The following GNAI1 variants were observed in gnomAD, a reference collection of about 807,000 sequenced individuals.
GNAI1 encodes the protein G protein subunit alpha i1.
Under a neutral mutation model 38.9 loss-of-function variants are expected in GNAI1, and 11 were observed. The ratio of observed to expected loss-of-function variants is 0.28; its 90% CI spans 0.18 to 0.47. The LOEUF is 0.47. Among genes scored for constraint, GNAI1 ranks in the 20% least tolerant of loss-of-function variants. The pLI, the probability that GNAI1 is intolerant of heterozygous loss-of-function variation, is 0.99. For synonymous variants in GNAI1, 166 were observed against 145.1 expected, an observed-to-expected ratio of 1.14 and a Z score of -1.04; for missense variants, 317 against 436.9, an observed-to-expected ratio of 0.73 and a Z score of 2.45.
intron 4 of GNAI1, among the ~76,000 whole-genome samples, chr7:80,201,256 A>T (rs1216930714): frequency 2.0e-5 from 3 of 152,208 alleles, no homozygotes; most frequent in Non-Finnish European, 4.4e-5. Flanking sequence ...TGATGAGAAG[A>T]TTGCTTTGAG....
chr7:80,175,553 C>CTT (rs564032256), intron 1 of GNAI1, among the ~76,000 whole-genome samples: 3,954 of 132,114 alleles, frequency 0.03, 99 homozygotes, highest in African/African-American at 0.08. Context: ...CAGATACTGC[C>CTT]TTTTTTTTTT....
chr7:80,174,342 A>C (rs923229287), intron 1 of GNAI1, among the ~76,000 whole-genome samples: 2 of 151,660 alleles, frequency 1.3e-5, no homozygotes, highest in African/African-American at 4.8e-5. Context: ...TATTTCTTCA[A>C]TGTAATTTTT....
chr7:80,184,035 T>C lies in GNAI1; in HGVS notation c.119-4916T>C, dbSNP rs547037978. On this transcript the variant is annotated intron_variant, in intron 1 of 7. Coordinates refer to ENST00000649796, the MANE Select transcript of GNAI1 (RefSeq NM_002069.6). The stretch of plus-strand genomic sequence containing the variant: ...TGGGCTCCATATTTGCTGTCAGAGA[T>C]GCAGTTTTTCGTTAGCCACTTCCTC... Among the ~76,000 whole-genome samples the C allele has an allele frequency of 3.3e-5, 5 of 152,170 alleles. No homozygotes were observed. In the East Asian group the frequency reaches 9.7e-4, roughly 30 times the overall value.
intron 1 of GNAI1, among the ~76,000 whole-genome samples, chr7:80,172,649 C>A (rs1307814303): frequency 1.3e-5 from 2 of 151,994 alleles, no homozygotes; most frequent in Non-Finnish European, 2.9e-5. Flanking sequence ...AAGATACTTG[C>A]AAAGCAACGT....
rs766973677 is a variant in GNAI1, at chr7:80,219,082, CTG to C, written c.*1591_*1592del. On this transcript the variant is annotated 3_prime_UTR_variant, in exon 8 of 8. Transcript: ENST00000649796. ...GTGTAACCATAAACTATATTCATAT[CTG>C]TTTCATTTGGAGGATTTTCTTCTTT... is the stretch of plus-strand genomic sequence containing the variant. 1 of 147,450 alleles carries C rather than the reference CTG, an allele frequency of 6.8e-6. No individual in the cohort carries two copies. Among genetic ancestry groups the C allele is most frequent in the Non-Finnish European group, 1.5e-5 (1 of 66,814 alleles). The allele number at this position is 147,450 out of a possible 1,614,324, so 9.1% of individuals were successfully genotyped here. A position where few individuals can be genotyped will look rare whatever the true frequency, so the allele number is the denominator to read the frequency against.
At chr7:80,158,875 C>G (rs746087394) in intron 1 of GNAI1, among the ~76,000 whole-genome samples, 1 of 152,268 alleles carries the variant, frequency 6.6e-6, no homozygotes, top group South Asian at 2.1e-4. Context: ...AATCTTTGAC[C>G]TATGGCTCCT....
At chr7:80,151,648 T>G (rs536854578) in intron 1 of GNAI1, among the ~76,000 whole-genome samples, 1 of 152,336 alleles carries the variant, frequency 6.6e-6, no homozygotes, top group African/African-American at 2.4e-5. Flanking sequence ...ATGAAAAGGC[T>G]CAGTAGTGTT....
At chr7:80,147,362 T>C (rs1379775919) in intron 1 of GNAI1, among the ~76,000 whole-genome samples, 1 of 138,556 alleles carries the variant, frequency 7.2e-6, no homozygotes, top group African/African-American at 2.7e-5. Context: ...ATGATGAGAT[T>C]GGTATCCTTA....
chr7:80,166,517 T>C (rs1159762315), intron 1 of GNAI1, among the ~76,000 whole-genome samples: 1 of 152,206 alleles, frequency 6.6e-6, no homozygotes, highest in Non-Finnish European at 1.5e-5. Context: ...TAAATGTGTT[T>C]AGAAGATAGT....
chr7:80,141,932 C>T (rs1400819146), intron 1 of GNAI1, among the ~76,000 whole-genome samples: 2 of 152,182 alleles, frequency 1.3e-5, no homozygotes, highest in African/African-American at 2.4e-5. Flanking sequence ...TAACATGTTT[C>T]ACCTTTCTTC....
chr7:80,216,776 A>G (rs1260972303), intron 7 of GNAI1, among the ~76,000 whole-genome samples: 1 of 152,156 alleles, frequency 6.6e-6, no homozygotes, highest in African/African-American at 2.4e-5. Context: ...TGTGTCATTC[A>G]CTTTTTTTGT....
chr7:80,135,828 T>G (rs1203357873), intron 1 of GNAI1: 5 of 985,230 alleles, frequency 5.1e-6, no homozygotes, highest in Non-Finnish European at 2.4e-6. Context: ...CTATGGCGAC[T>G]CCTTAAGTGG....
chr7:80,161,018 T>C (rs186462403), intron 1 of GNAI1, among the ~76,000 whole-genome samples: 61 of 152,290 alleles, frequency 4.0e-4, no homozygotes, highest in East Asian at 3.3e-3. Flanking sequence ...TAACAGACTT[T>C]TAAAATATAG....
chr7:80,145,299 G>C (rs1787600473), intron 1 of GNAI1, among the ~76,000 whole-genome samples: 1 of 152,012 alleles, frequency 6.6e-6, no homozygotes, highest in Non-Finnish European at 1.5e-5. Context: ...CTTTCTGATT[G>C]ATATAGAAGT....
In GNAI1 at chr7:80,143,508, G is replaced by C. The variant is rs574172517; in HGVS notation, c.118+8230G>C. 1.5e-3 allele frequency among the ~76,000 whole-genome samples: 234 copies of C among 152,188 alleles called. 1 individual carries two copies. The highest frequency in any genetic ancestry group is 2.8e-3 in the Non-Finnish European group (188 of 67,976). ...AGAGACTTTGCTATCTATGAATTTA[G>C]TTTTCTAACATTTTCCATGTCTAAG... is the stretch of plus-strand genomic sequence containing the variant. On this transcript the variant is annotated intron_variant, in intron 1 of 7. Transcript: ENST00000649796.
In GNAI1 at chr7:80,220,320, C is replaced by A. The variant is rs574932128; in HGVS notation, c.*2827C>A. ...TCTGTCAATGTTATTTTTATTAGCA[C>A]TTTTAAAATGGTGTGTAAAATGTAT... On this transcript the variant is annotated 3_prime_UTR_variant, in exon 8 of 8. Transcript: ENST00000649796. Among the ~76,000 whole-genome samples, 4 of 152,316 alleles carry A rather than the reference C, an allele frequency of 2.6e-5. No individual in the cohort carries two copies. The highest frequency in any genetic ancestry group is 6.5e-5 in the Admixed American group (1 of 15,290).
intron 1 of GNAI1, among the ~76,000 whole-genome samples, chr7:80,177,296 C>A (rs549201906): frequency 6.6e-6 from 1 of 152,188 alleles, no homozygotes; most frequent in East Asian, 1.9e-4. Context: ...TCCCAAAGTG[C>A]TGGGATTACA....
chr7:80,220,135 C>T lies in GNAI1; in HGVS notation c.*2642C>T, dbSNP rs114112855. Among the ~76,000 whole-genome samples, 508 of 152,208 alleles carry T rather than the reference C, an allele frequency of 3.3e-3. 6 individuals carry two copies. The highest frequency in any genetic ancestry group is 0.012 in the African/African-American group (489 of 41,520). ...TCAATAAAATTAAGTATAAGTTAGC[C>T]TGCCATTTAATGCTCTTCATCACCT... On this transcript the variant is annotated 3_prime_UTR_variant, in exon 8 of 8. Coordinates refer to ENST00000649796, the MANE Select transcript of GNAI1 (RefSeq NM_002069.6).
intron 1 of GNAI1, 98 bp from the exon 2 acceptor site, chr7:80,188,849 AGACT>A: frequency 1.3e-6 from 1 of 750,748 alleles, no homozygotes; most frequent in Admixed American, 2.2e-5. Context: ...ACACAGAGAG[AGACT>A]GGGTGTGTGT....
Sources: gnomAD v4.1 joint callset for allele counts (sites outside exome capture counted in the v4.1 genomes callset) on GRCh38, gnomAD v4.1.1 for gene constraint, MANE v1.5 for transcripts, NCBI Gene and HGNC (gene_info 2026-07-23, HGNC 2026-07-21) for gene names.